Variants in RANBP2 observed in about 807,000 individuals in gnomAD.
The protein encoded by RANBP2 is RAN binding protein 2.
In RANBP2, 57 loss-of-function variants were observed where a neutral mutation model predicts 303.6. The ratio of observed to expected loss-of-function variants is 0.19; its 90% CI spans 0.15 to 0.23. The LOEUF is 0.23. Among genes scored for constraint, RANBP2 ranks in the 10% least tolerant of loss-of-function variants. The probability of loss-of-function intolerance (pLI) is 1.00; values close to 1 mark genes in which losing one functional copy is unlikely to be tolerated. For missense variants in RANBP2, 3,138 were observed against 3,780.8 expected (o/e 0.83, Z 4.46); for synonymous variants, 1,167 against 1,301.5 (o/e 0.90, Z 2.23).
the RANBP2 span, among the ~76,000 whole-genome samples, chr2:109,609,560 CT>C: frequency 2.0e-5 from 3 of 149,016 alleles, no homozygotes; most frequent in African/African-American, 7.5e-5. Context: ...AGTCTTTTCA[CT>C]GCCGAGATCG....
the RANBP2 span, chr2:109,613,795 CA>C: frequency 3.2e-6 from 4 of 1,231,626 alleles, no homozygotes; most frequent in Non-Finnish European, 4.0e-6. Context: ...CGGCGGGACT[CA>C]CCAGGTGCCG....
At chr2:108,920,857 A>T in the RANBP2 span, among the ~76,000 whole-genome samples, 1 of 152,334 alleles carries the variant, frequency 6.6e-6, no homozygotes, top group Non-Finnish European at 1.5e-5. Flanking sequence ...TGAGCCACAC[A>T]GGAGCCTGGG....
chr2:109,468,124 C>T, the RANBP2 span, among the ~76,000 whole-genome samples: 5 of 152,218 alleles, frequency 3.3e-5, no homozygotes, highest in African/African-American at 4.8e-5. Flanking sequence ...CTGAAAAACG[C>T]GTCGTTTGGT....
At chr2:109,099,062 A>T in the RANBP2 span, among the ~76,000 whole-genome samples, 1 of 152,232 alleles carries the variant, frequency 6.6e-6, no homozygotes, top group Admixed American at 6.5e-5. Context: ...CAGAGACCAT[A>T]ATAAGCAGGC....
At chr2:109,288,120 G>A in the RANBP2 span, among the ~76,000 whole-genome samples, 22 of 152,306 alleles carry the variant, frequency 1.4e-4, no homozygotes, top group South Asian at 4.6e-3. Flanking sequence ...CACAAGACAA[G>A]GCTATCAGGA....
chr2:108,963,107 C>T, the RANBP2 span, among the ~76,000 whole-genome samples: 8 of 152,274 alleles, frequency 5.3e-5, no homozygotes, highest in Admixed American at 2.0e-4. Context: ...CTGCAGAGGC[C>T]GCAAACTGCT....
the RANBP2 span, among the ~76,000 whole-genome samples, chr2:109,586,952 C>T: frequency 2.0e-5 from 3 of 152,060 alleles, no homozygotes; most frequent in Admixed American, 6.6e-5. Flanking sequence ...AAAACAGAAT[C>T]TAGCATCTCT....
chr2:109,470,309 A>G, the RANBP2 span, among the ~76,000 whole-genome samples: 1 of 152,174 alleles, frequency 6.6e-6, no homozygotes, highest in South Asian at 2.1e-4. Context: ...TGTGAAATCC[A>G]TGCTTGCATT....
chr2:108,961,850 T>G, the RANBP2 span, among the ~76,000 whole-genome samples: 2 of 152,182 alleles, frequency 1.3e-5, no homozygotes, highest in South Asian at 2.1e-4. Context: ...TAATGGCCCC[T>G]GTGCTGGAAA....
the RANBP2 span, among the ~76,000 whole-genome samples, chr2:109,078,098 A>ATATATATATATAGCATG: frequency 1.7e-5 from 1 of 60,068 alleles, no homozygotes; most frequent in East Asian, 6.2e-4. Context: ...ATATATATAT[A>ATATATATATATAGCATG]TATATATATA....
the RANBP2 span, among the ~76,000 whole-genome samples, chr2:109,722,099 G>C: frequency 5.1e-4 from 77 of 152,330 alleles, no homozygotes; most frequent in African/African-American, 1.8e-3. Flanking sequence ...AGGCTAAGAG[G>C]CCATCCAGGT....
the RANBP2 span, among the ~76,000 whole-genome samples, chr2:109,294,310 C>T: frequency 6.6e-4 from 101 of 152,130 alleles, no homozygotes; most frequent in Non-Finnish European, 1.0e-3. Context: ...CCTGTAATCC[C>T]AGCACTTTGT....
the RANBP2 span, among the ~76,000 whole-genome samples, chr2:109,284,326 A>T: frequency 6.6e-6 from 1 of 152,212 alleles, no homozygotes; most frequent in African/African-American, 2.4e-5. Flanking sequence ...TTATTCTTAA[A>T]GCATTCAGGG....
the RANBP2 span, among the ~76,000 whole-genome samples, chr2:109,621,385 T>G: frequency 1.3e-5 from 2 of 152,050 alleles, no homozygotes; most frequent in Non-Finnish European, 2.9e-5. Flanking sequence ...TCTCCTGACC[T>G]CGTGATCTGC....
the RANBP2 span, among the ~76,000 whole-genome samples, chr2:108,846,195 T>C: frequency 4.6e-5 from 7 of 152,284 alleles, no homozygotes; most frequent in African/African-American, 1.7e-4. Context: ...TCCACCTCTG[T>C]TCCCTTGCTA....
At chr2:108,744,650 G>A (rs1212531686) in intron 7 of RANBP2, among the ~76,000 whole-genome samples, 2 of 152,168 alleles carry the variant, frequency 1.3e-5, no homozygotes, top group African/African-American at 4.8e-5. Context: ...TAAAAGGATA[G>A]GCAATATGAA....
the RANBP2 span, among the ~76,000 whole-genome samples, chr2:109,018,626 T>A: frequency 2.0e-5 from 3 of 152,208 alleles, no homozygotes; most frequent in Non-Finnish European, 4.4e-5. Flanking sequence ...AGCCATAGGC[T>A]CTAGCTATGC....
At chr2:109,336,063 C>G in the RANBP2 span, among the ~76,000 whole-genome samples, 1 of 152,214 alleles carries the variant, frequency 6.6e-6, no homozygotes, top group Non-Finnish European at 1.5e-5. Context: ...AGGCATTCCT[C>G]TCCCTACATT....
chr2:109,363,547 T>C, the RANBP2 span, among the ~76,000 whole-genome samples: 1 of 152,184 alleles, frequency 6.6e-6, no homozygotes. Context: ...TGCCATTCCT[T>C]CTCTGGTGCG....
Sources: gnomAD v4.1 joint callset for allele counts (sites outside exome capture counted in the v4.1 genomes callset) on GRCh38, gnomAD v4.1.1 for gene constraint, MANE v1.5 for transcripts, NCBI Gene and HGNC (gene_info 2026-07-23, HGNC 2026-07-21) for gene names.